Variants in MTA3 observed in about 807,000 individuals in gnomAD.
The protein encoded by MTA3 is metastasis associated 1 family member 3, also known as metastasis-associated protein MTA3.
A neutral mutation model predicts 83.5 loss-of-function variants in MTA3; 34 were observed. The observed-to-expected ratio is 0.41, with a 90% CI of 0.31 to 0.54. The LOEUF (loss-of-function observed/expected upper bound fraction) is 0.54. MTA3 is among the 20% of genes least tolerant of loss of function. The probability of loss-of-function intolerance (pLI) is 0.33; values close to 1 mark genes in which losing one functional copy is unlikely to be tolerated. For missense variants in MTA3, 761 were observed against 726.4 expected (o/e 1.05, Z -0.55); for synonymous variants, 303 against 252.7 (o/e 1.20, Z -1.89).
At chr2:42,635,311 C>G (rs1687077987) in intron 4 of MTA3, among the ~76,000 whole-genome samples, 1 of 152,110 alleles carries the variant, frequency 6.6e-6, no homozygotes, top group South Asian at 2.1e-4. Context: ...TGACACTGTT[C>G]TTTATACAAA....
chr2:42,592,998 C>A (rs1681219773), intron 3 of MTA3, among the ~76,000 whole-genome samples: 1 of 150,356 alleles, frequency 6.7e-6, no homozygotes. Context: ...TAAAAAATAA[C>A]AAAAGTTAGC....
chr2:42,556,147 A>T (rs1329753285), intron 2 of MTA3, among the ~76,000 whole-genome samples: 6 of 151,886 alleles, frequency 4.0e-5, no homozygotes, highest in Non-Finnish European at 8.8e-5. Flanking sequence ...CCCTGGGGAA[A>T]AAAAAAGCAG....
chr2:42,655,864 A>G (rs563222683), intron 6 of MTA3, among the ~76,000 whole-genome samples: 2 of 152,166 alleles, frequency 1.3e-5, no homozygotes, highest in Non-Finnish European at 2.9e-5. Flanking sequence ...CGGCCTCCCA[A>G]AGTGCCGAGA....
intron 2 of MTA3, among the ~76,000 whole-genome samples, chr2:42,536,980 G>A (rs931596): frequency 0.36 from 55,070 of 151,722 alleles, 10,136 homozygotes; most frequent in South Asian, 0.41. Context: ...GGAATACAGT[G>A]GATCCCAAAA....
Position 42,676,810 on chromosome 2 carries a change from T to A in MTA3, c.703-5591T>A, listed in dbSNP as rs1409784711. ...TTTTTATTTTGAGGAATTTTAGCAT[T>A]TTTGAGTATCTTTTAATCTTTTAGT... On this transcript the variant is annotated intron_variant, in intron 8 of 16. Transcript: ENST00000405094. Among the ~76,000 whole-genome samples the A allele has an allele frequency of 2.6e-5, 4 of 152,202 alleles. No individual in the cohort carries two copies. The South Asian group carries it at 8.3e-4, about 32-fold the overall frequency.
chr2:42,552,209 C>T (rs1357677602), intron 2 of MTA3, among the ~76,000 whole-genome samples: 1 of 152,086 alleles, frequency 6.6e-6, no homozygotes, highest in Non-Finnish European at 1.5e-5. Flanking sequence ...GTGTGCCTGG[C>T]ATGTCTAGGG....
intron 16 of MTA3, among the ~76,000 whole-genome samples, chr2:42,727,907 A>C (rs2104554855): frequency 6.6e-6 from 1 of 152,312 alleles, no homozygotes. Context: ...ACATGAGGGT[A>C]AATGGGTTAT....
intron 8 of MTA3, among the ~76,000 whole-genome samples, chr2:42,681,327 A>G (rs1691885711): frequency 6.6e-6 from 1 of 151,910 alleles, no homozygotes. Flanking sequence ...CATGTTTATA[A>G]TTTTGTCTTA....
At chr2:42,748,194 AATGTGTTTGT>A (rs1558641023) in intron 16 of MTA3, among the ~76,000 whole-genome samples, 1 of 86,690 alleles carries the variant, frequency 1.2e-5, no homozygotes, top group Non-Finnish European at 2.4e-5. Context: ...ACATCCAGCT[AATGTGTTTGT>A]GTGTGTGTGT....
chr2:42,615,641 A>C (rs1445591045), intron 4 of MTA3, among the ~76,000 whole-genome samples: 1 of 149,466 alleles, frequency 6.7e-6, no homozygotes, highest in African/African-American at 2.5e-5. Context: ...GGCTTGAGCC[A>C]CTGCGCCTGG....
At chr2:42,711,418 G>GTAA (rs1666599431) in intron 14 of MTA3, among the ~76,000 whole-genome samples, 2 of 152,132 alleles carry the variant, frequency 1.3e-5, no homozygotes. Context: ...ATAGATTATA[G>GTAA]TAATCATAAA....
chr2:42,514,084 G>A (rs79472709), intron 2 of MTA3, among the ~76,000 whole-genome samples: 3,089 of 152,240 alleles, frequency 0.02, 103 homozygotes, highest in African/African-American at 0.07. Flanking sequence ...ATGCTGGTGC[G>A]TGCCTGTGGT....
At position 42,548,474 on chromosome 2, in the gene MTA3, C is replaced by T. The variant is rs368816978; in HGVS notation, c.-140-21963C>T. Reference sequence around the variant, plus strand: ...AAGCAAGACTCCGTCTCAAAATATACGTATATACATAAAATTAAAATGCAA... The same window carrying T: ...AAGCAAGACTCCGTCTCAAAATATATGTATATACATAAAATTAAAATGCAA... On this transcript the variant is annotated intron_variant, in intron 2 of 17. Coordinates refer to the MTA3 transcript ENST00000405592. Among the ~76,000 whole-genome samples the T allele has an allele frequency of 1.9e-4, 29 of 151,368 alleles. No homozygotes were observed. In the East Asian group the frequency reaches 5.5e-3, roughly 29 times the overall value.
At chr2:42,519,353 C>T (rs1675305615) in intron 2 of MTA3, among the ~76,000 whole-genome samples, 1 of 152,100 alleles carries the variant, frequency 6.6e-6, no homozygotes, top group Admixed American at 6.5e-5. Flanking sequence ...CAACTGTGAT[C>T]CCAGCACTTT....
intron 4 of MTA3, among the ~76,000 whole-genome samples, chr2:42,617,622 C>T (rs1358612276): frequency 6.6e-6 from 1 of 151,722 alleles, no homozygotes; most frequent in Non-Finnish European, 1.5e-5. Flanking sequence ...ACTAAAAATA[C>T]AAAATTAGCC....
At chr2:42,632,276 G>C (rs1056441302) in intron 4 of MTA3, among the ~76,000 whole-genome samples, 5 of 151,736 alleles carry the variant, frequency 3.3e-5, no homozygotes, top group Non-Finnish European at 5.9e-5. Flanking sequence ...ATTTTTAGTA[G>C]AGACAGGGTT....
chr2:42,570,206 A>C (rs553281997), intron 1 of MTA3, among the ~76,000 whole-genome samples: 1 of 152,340 alleles, frequency 6.6e-6, no homozygotes, highest in East Asian at 1.9e-4. Flanking sequence ...ACAGAAGTCT[A>C]GGAGAAACTG....
intron 16 of MTA3, among the ~76,000 whole-genome samples, chr2:42,727,815 A>T (rs991573440): frequency 6.6e-6 from 1 of 151,878 alleles, no homozygotes; most frequent in African/African-American, 2.4e-5. Context: ...TTAATTTTTA[A>T]TTTTTTGTGG....
At chr2:42,627,351 G>A (rs1686206466) in intron 4 of MTA3, among the ~76,000 whole-genome samples, 1 of 152,050 alleles carries the variant, frequency 6.6e-6, no homozygotes, top group Non-Finnish European at 1.5e-5. Context: ...CCACTGCCAG[G>A]CCTGAGCTTT....
Sources: gnomAD v4.1 joint callset for allele counts (sites outside exome capture counted in the v4.1 genomes callset) on GRCh38, gnomAD v4.1.1 for gene constraint, MANE v1.5 for transcripts, NCBI Gene and HGNC (gene_info 2026-07-23, HGNC 2026-07-21) for gene names.